PADI6: variants seen among roughly 807,000 people sequenced by gnomAD.
PADI6 encodes peptidyl arginine deiminase 6, also known as inactive protein-arginine deiminase type-6.
In PADI6, 66 loss-of-function variants were observed where a neutral mutation model predicts 78.2. The ratio of observed to expected loss-of-function variants is 0.84; its 90% CI spans 0.69 to 1.04. The LOEUF (loss-of-function observed/expected upper bound fraction) is 1.04. Ranked by LOEUF, PADI6 falls within the 50% of genes least tolerant of loss-of-function variation. PADI6 has a pLI of 0.00. For missense variants in PADI6, 854 were observed against 866.1 expected, an observed-to-expected ratio of 0.99 and a Z score of 0.18; for synonymous variants, 397 against 346.9, an observed-to-expected ratio of 1.14 and a Z score of -1.60.
In PADI6 at chr1:17,382,078, T is replaced by G; in HGVS notation, c.665T>G (p.Val222Gly). 6.2e-7 allele frequency: 1 copy of G among 1,613,634 alleles called. No individual in the cohort carries two copies. Among genetic ancestry groups the G allele is most frequent in the Non-Finnish European group, 8.5e-7 (1 of 1,179,796 alleles). ...AAGGAAGAGTCGAAGAAGGCGAGAG[T>G]CTACTGGCCCCAAAGTGAGTGTTCT... ...TSKEESKKAR[V>G]YWPQKDNSST... Residue 222 changes from valine (V) to glycine (G), a missense_variant, in exon 6 of 16, where the codon GTC becomes GGC. Transcript: ENST00000619609.
intron 4 of PADI6, 41 bp from the exon 5 acceptor site, chr1:17,381,005 AT>A (rs1285309486): frequency 9.4e-6 from 14 of 1,492,784 alleles, no homozygotes; most frequent in Admixed American, 8.0e-5. Context: ...CAGAAGATTT[AT>A]TTGGCTCCTT....
chr1:17,400,501 G>C (rs779254510), intron 15 of PADI6, among the ~76,000 whole-genome samples: 3 of 151,138 alleles, frequency 2.0e-5, no homozygotes, highest in Non-Finnish European at 3.0e-5. Context: ...GAGCAAAACT[G>C]TTTTGTTTTT....
chr1:17,396,593 G>C lies in PADI6; in HGVS notation c.1619-478G>C, dbSNP rs545532435. On this transcript the variant is annotated intron_variant, in intron 13 of 15. Coordinates refer to ENST00000619609, the MANE Select transcript of PADI6 (RefSeq NM_207421.4). ...CCTGGTCATAGAAGCACCATGGAAG[G>C]TGACATCTGCTGAGCATGAACCACA... Among the ~76,000 whole-genome samples, 4 of 152,280 alleles carry C rather than the reference G, an allele frequency of 2.6e-5. No homozygotes were observed. In the East Asian group the frequency reaches 7.7e-4, roughly 29 times the overall value.
intron 8 of PADI6, among the ~76,000 whole-genome samples, chr1:17,391,787 C>A (rs1326405541): frequency 6.6e-6 from 1 of 152,198 alleles, no homozygotes; most frequent in African/African-American, 2.4e-5. Context: ...TGCACTCCAG[C>A]CTGGGTGACA....
At chr1:17,374,673 T>C (rs774587014) in intron 2 of PADI6, among the ~76,000 whole-genome samples, 2 of 151,970 alleles carry the variant, frequency 1.3e-5, no homozygotes, top group Non-Finnish European at 2.9e-5. Flanking sequence ...TGGGTGCCAG[T>C]GGAACTCCAG....
chr1:17,378,664 G>C (rs1029544357), intron 3 of PADI6, among the ~76,000 whole-genome samples: 2 of 152,060 alleles, frequency 1.3e-5, no homozygotes, highest in South Asian at 4.1e-4. Context: ...GAGTGGAGTG[G>C]TGCGATCTCT....
intron 6 of PADI6, among the ~76,000 whole-genome samples, chr1:17,384,090 C>T (rs2075097781): frequency 6.6e-6 from 1 of 151,796 alleles, no homozygotes; most frequent in Admixed American, 6.6e-5. Context: ...CTGCAGTGAG[C>T]CGACGTTGCA....
At chr1:17,381,250 C>T (rs2075070100) in intron 5 of PADI6, 86 bp downstream of exon 5, 1 of 1,073,094 alleles carries the variant, frequency 9.3e-7, no homozygotes, top group Non-Finnish European at 1.4e-6. Context: ...CTAATTTTCT[C>T]CACCCCACCC....
chr1:17,375,402 T>C, intron 2 of PADI6, 25 bp from the exon 3 acceptor site: 2 of 1,601,108 alleles, frequency 1.2e-6, no homozygotes, highest in Non-Finnish European at 1.7e-6. Flanking sequence ...ACACTGCCTA[T>C]GGTTTCGGGA....
intron 9 of PADI6, among the ~76,000 whole-genome samples, chr1:17,393,740 G>T (rs1260705027): frequency 6.6e-6 from 1 of 152,096 alleles, no homozygotes; most frequent in Non-Finnish European, 1.5e-5. Context: ...CACCCAAAGT[G>T]CTGGGATTGC....
chr1:17,395,566 C>T lies in PADI6; in HGVS notation c.1521C>T (p.Pro507=), dbSNP rs1212254008. Residue 507 remains proline, a synonymous_variant, in exon 13 of 16, where the codon CCC becomes CCT. Coordinates refer to ENST00000619609, the MANE Select transcript of PADI6 (RefSeq NM_207421.4). ...GCTTCCTGCTGCTCCTGGCCAGCCC[C>T]AGTGCCTGCTATAAACTGTTCCGAG... The part of the protein sequence containing the change: ...KKGFLLLLAS[P]SACYKLFREK... 6.4e-7 allele frequency: 1 copy of T among 1,564,250 alleles called. No homozygotes were observed. The highest frequency in any genetic ancestry group is 1.7e-4 in the Middle Eastern group (1 of 5,880).
chr1:17,395,807 A>G, intron 13 of PADI6, 144 bp downstream of exon 13: 1 of 1,148,982 alleles, frequency 8.7e-7, no homozygotes, highest in South Asian at 1.8e-5. Flanking sequence ...AGAACGTCTT[A>G]TTTCTGGGCT....
rs1482293704 is a variant in PADI6 at position 17,373,231 on chromosome 1, A to G, written c.292A>G (p.Lys98Glu). ...TSPSPSVDAD[K>E]VSVTYYGPNE... is the part of the protein sequence containing the mutation. Reference sequence around the variant, plus strand: ...GCCCAGCCCTTCCGTGGATGCGGATAAGGTAAGCCTCAGGGGAAGAGGTGA... The same window carrying G: ...GCCCAGCCCTTCCGTGGATGCGGATGAGGTAAGCCTCAGGGGAAGAGGTGA... The change falls in exon 2 of 16, where the codon AAG becomes GAG. Residue 98 changes from lysine to glutamate, a missense_variant and splice_region_variant. Transcript: ENST00000619609. The G allele has an allele frequency of 1.2e-6, 2 of 1,613,688 alleles. No individual in the cohort carries two copies. Among genetic ancestry groups the G allele is most frequent in the Non-Finnish European group, 1.7e-6 (2 of 1,179,676 alleles).
chr1:17,391,006 C>T (rs2075177462), intron 8 of PADI6, among the ~76,000 whole-genome samples: 1 of 152,162 alleles, frequency 6.6e-6, no homozygotes, highest in African/African-American at 2.4e-5. Context: ...CTCCCTGTGG[C>T]TTTGCATAGA....
intron 6 of PADI6, among the ~76,000 whole-genome samples, chr1:17,388,177 C>T (rs2075141563): frequency 6.6e-6 from 1 of 152,224 alleles, no homozygotes; most frequent in Non-Finnish European, 1.5e-5. Flanking sequence ...TGGTGAATAA[C>T]TGGCCATTGC....
intron 5 of PADI6, among the ~76,000 whole-genome samples, chr1:17,381,471 A>AT (rs1182729867): frequency 1.4e-4 from 21 of 152,320 alleles, no homozygotes; most frequent in Non-Finnish European, 2.9e-4. Context: ...CCTCCCAACT[A>AT]TATCAGTTGG....
At chr1:17,385,679 C>A (rs1013808111) in intron 6 of PADI6, among the ~76,000 whole-genome samples, 4 of 152,122 alleles carry the variant, frequency 2.6e-5, no homozygotes, top group Admixed American at 6.6e-5. Flanking sequence ...AGTGACACAA[C>A]AGCAGTGGAG....
At chr1:17,394,209 A>C in intron 10 of PADI6, 91 bp from the exon 11 acceptor site, 1 of 1,564,128 alleles carries the variant, frequency 6.4e-7, no homozygotes, top group Non-Finnish European at 8.8e-7. Flanking sequence ...GGGACGTGGA[A>C]GTCTACCTGA....
chr1:17,391,127 G>A (rs981158355), intron 8 of PADI6, among the ~76,000 whole-genome samples: 5 of 152,152 alleles, frequency 3.3e-5, no homozygotes, highest in Admixed American at 6.5e-5. Flanking sequence ...ACCTGAAGCC[G>A]GACTACAGTC....
Sources: allele counts gnomAD v4.1 joint callset (sites outside exome capture counted in the v4.1 genomes callset), GRCh38; gene constraint gnomAD v4.1.1; transcripts MANE v1.5; gene names NCBI Gene and HGNC (gene_info 2026-07-23, HGNC 2026-07-21).